R3HCC1L: variants seen among roughly 807,000 people sequenced by gnomAD.
R3HCC1L encodes coiled-coil domain-containing protein R3HCC1L.
A neutral mutation model predicts 59.9 loss-of-function variants in R3HCC1L; 51 were observed. The observed-to-expected ratio is 0.85, with a 90% confidence interval of 0.68 to 1.07. R3HCC1L has a LOEUF of 1.07. Among genes scored for constraint, R3HCC1L ranks in the 50% least tolerant of loss-of-function variants. The pLI is 0.00. For synonymous variants in R3HCC1L, 322 were observed against 315.2 expected (o/e 1.02, Z -0.23); for missense variants, 965 against 933.0 (o/e 1.03, Z -0.45).
intron 4 of R3HCC1L, among the ~76,000 whole-genome samples, chr10:98,171,456 T>C (rs960144830): frequency 2.6e-5 from 4 of 152,156 alleles, no homozygotes; most frequent in Non-Finnish European, 4.4e-5. Context: ...GGCATAGATA[T>C]TAAAGAAGTA....
chr10:98,177,176 C>T (rs905975634), intron 4 of R3HCC1L, among the ~76,000 whole-genome samples: 4 of 152,018 alleles, frequency 2.6e-5, no homozygotes, highest in African/African-American at 7.3e-5. Context: ...GCTATCCCTC[C>T]CCCATCACCC....
chr10:98,140,242 A>G (rs1845012052), intron 1 of R3HCC1L, among the ~76,000 whole-genome samples: 1 of 152,250 alleles, frequency 6.6e-6, no homozygotes, highest in Non-Finnish European at 1.5e-5. Flanking sequence ...ATTGTATGCC[A>G]GTCGTCCTGT....
intron 5 of R3HCC1L, chr10:98,211,473 G>A (rs546810390): frequency 7.2e-5 from 89 of 1,243,846 alleles, no homozygotes; most frequent in Non-Finnish European, 9.3e-5. Context: ...TAATAATAAG[G>A]TGGGAAGCTA....
intron 4 of R3HCC1L, among the ~76,000 whole-genome samples, chr10:98,168,049 G>C (rs776518699): frequency 1.3e-5 from 2 of 152,164 alleles, no homozygotes; most frequent in African/African-American, 4.8e-5. Flanking sequence ...ATAGACCCAG[G>C]AGAGGAACTA....
At chr10:98,198,194 AT>A (rs537548263) in intron 4 of R3HCC1L, among the ~76,000 whole-genome samples, 3 of 150,234 alleles carry the variant, frequency 2.0e-5, no homozygotes, top group Non-Finnish European at 3.0e-5. Flanking sequence ...AGAGCAGTGA[AT>A]TTTTTTTTTA....
chr10:98,181,822 A>C (rs1390576622), intron 4 of R3HCC1L, among the ~76,000 whole-genome samples: 1 of 152,198 alleles, frequency 6.6e-6, no homozygotes, highest in Non-Finnish European at 1.5e-5. Flanking sequence ...AAGCTTGTGC[A>C]TGAGTCACAT....
intron 1 of R3HCC1L, among the ~76,000 whole-genome samples, chr10:98,144,781 C>G (rs1845499863): frequency 6.6e-6 from 1 of 152,128 alleles, no homozygotes; most frequent in South Asian, 2.1e-4. Flanking sequence ...TGAATGATCT[C>G]TAAGTTGAGG....
intron 4 of R3HCC1L, among the ~76,000 whole-genome samples, chr10:98,166,642 A>G (rs891667517): frequency 6.6e-6 from 1 of 152,132 alleles, no homozygotes; most frequent in Non-Finnish European, 1.5e-5. Flanking sequence ...TTTATTTGGT[A>G]GTTAGAGACA....
chr10:98,175,482 A>AC (rs1848917884), intron 4 of R3HCC1L, among the ~76,000 whole-genome samples: 1 of 151,864 alleles, frequency 6.6e-6, no homozygotes. Flanking sequence ...CCCTTACCTG[A>AC]CCCCAAGCTT....
intron 5 of R3HCC1L, among the ~76,000 whole-genome samples, chr10:98,217,937 T>C (rs1854407267): frequency 6.6e-6 from 1 of 152,184 alleles, no homozygotes; most frequent in Non-Finnish European, 1.5e-5. Flanking sequence ...TAGATTTTTC[T>C]ATAAGATCAT....
intron 4 of R3HCC1L, among the ~76,000 whole-genome samples, chr10:98,195,235 A>T (rs965001698): frequency 2.6e-5 from 4 of 152,174 alleles, no homozygotes; most frequent in African/African-American, 9.7e-5. Flanking sequence ...ATACTTGCAT[A>T]ATTTCACTAA....
Position 98,215,234 on chromosome 10 carries a change from C to A in R3HCC1L, c.1785+5335C>A, listed in dbSNP as rs75005302. Reference sequence around the variant, plus strand: ...TGGAATAATGAGACTTATTTATTCTCAGGAATGACTAGAAAAAAAAGAGTA... The same window carrying A: ...TGGAATAATGAGACTTATTTATTCTAAGGAATGACTAGAAAAAAAAGAGTA... On this transcript the variant is annotated intron_variant, in intron 5 of 9. Coordinates refer to ENST00000298999, the MANE Select transcript of R3HCC1L (RefSeq NM_001351015.2). Among the ~76,000 whole-genome samples, 48 of 152,098 alleles carry A rather than the reference C, an allele frequency of 3.2e-4. No homozygotes were observed. In the East Asian group the frequency reaches 9.1e-3, roughly 29 times the overall value.
chr10:98,137,968 T>G (rs1844758165), intron 1 of R3HCC1L, among the ~76,000 whole-genome samples: 1 of 151,384 alleles, frequency 6.6e-6, no homozygotes. Context: ...TTGGTGACCT[T>G]CATTTTTTCA....
At chr10:98,196,667 C>G (rs1461894013) in intron 4 of R3HCC1L, among the ~76,000 whole-genome samples, 1 of 152,190 alleles carries the variant, frequency 6.6e-6, no homozygotes, top group Non-Finnish European at 1.5e-5. Flanking sequence ...TATGATTAAT[C>G]TGACCACTTC....
At chr10:98,203,072 T>A (rs141041789) in intron 4 of R3HCC1L, among the ~76,000 whole-genome samples, 1 of 152,196 alleles carries the variant, frequency 6.6e-6, no homozygotes, top group African/African-American at 2.4e-5. Flanking sequence ...GGATTACTTA[T>A]GTTAAATGAA....
chr10:98,187,630 T>C (rs1279362198), intron 4 of R3HCC1L, among the ~76,000 whole-genome samples: 4 of 152,130 alleles, frequency 2.6e-5, no homozygotes, highest in African/African-American at 9.7e-5. Context: ...TAAGGTCTCT[T>C]TCTATAAATA....
Position 98,210,519 on chromosome 10 carries a change from C to T in R3HCC1L, c.1785+620C>T, listed in dbSNP as rs191917905. On this transcript the variant is annotated intron_variant, in intron 5 of 9. Transcript: ENST00000298999. ...TTACTCAGTTCAGTCTTTTTGTTTT[C>T]TTAATTTAAATGTTTACTCTGTATC... Among the ~76,000 whole-genome samples, 454 of 152,220 alleles carry T rather than the reference C, an allele frequency of 3.0e-3. 4 individuals carry two copies. The highest frequency in any genetic ancestry group is 9.3e-3 in the African/African-American group (385 of 41,552).
intron 4 of R3HCC1L, among the ~76,000 whole-genome samples, chr10:98,180,344 T>A (rs1176729533): frequency 6.6e-6 from 1 of 152,212 alleles, no homozygotes; most frequent in East Asian, 1.9e-4. Context: ...AGCAGGTTGT[T>A]CAGTTTCCAC....
At chr10:98,217,392 A>T (rs1213100378) in intron 5 of R3HCC1L, among the ~76,000 whole-genome samples, 1 of 152,078 alleles carries the variant, frequency 6.6e-6, no homozygotes, top group African/African-American at 2.4e-5. Context: ...TTTTATACCA[A>T]TACCATGCTG....
Sources: gnomAD v4.1 joint callset for allele counts (sites outside exome capture counted in the v4.1 genomes callset) on GRCh38, gnomAD v4.1.1 for gene constraint, MANE v1.5 for transcripts, NCBI Gene and HGNC (gene_info 2026-07-23, HGNC 2026-07-21) for gene names.